SLC7A7: variants seen among roughly 807,000 people sequenced by gnomAD.
The protein encoded by SLC7A7 is Y+L amino acid transporter 1.
In SLC7A7, 39 loss-of-function variants were observed where a neutral mutation model predicts 47.9. The ratio of observed to expected loss-of-function variants is 0.81; its 90% confidence interval spans 0.63 to 1.06. The LOEUF is 1.06. Among genes scored for constraint, SLC7A7 ranks in the 50% least tolerant of loss-of-function variants. SLC7A7 has a pLI of 0.00. For synonymous variants in SLC7A7, 234 were observed against 242.8 expected (o/e 0.96, Z 0.34); for missense variants, 588 against 632.0 (o/e 0.93, Z 0.75).
rs2038588123 is a variant in SLC7A7, at chr14:22,775,657, A to G, written c.999-117T>C. ...CTTCCTTCAAAAGTATTTGGATAAT[A>G]TGGACTGGAGCTCAGTATTAAGATT... On this transcript the variant is annotated intron_variant, in intron 6 of 9. Transcript: ENST00000674313. The G allele has an allele frequency of 5.1e-6, 5 of 980,704 alleles. No homozygotes were observed. The Admixed American group carries it at 5.2e-5, about 10-fold the overall frequency. The allele number at this position is 980,704 out of a possible 1,614,324, so 60.8% of individuals were successfully genotyped here. A position where few individuals can be genotyped will look rare whatever the true frequency, so the allele number is the denominator to read the frequency against.
intron 7 of SLC7A7, 75 bp from the exon 8 acceptor site, chr14:22,774,578 C>G: frequency 6.3e-7 from 1 of 1,590,494 alleles, no homozygotes; most frequent in East Asian, 2.2e-5. Context: ...CTTTATACCC[C>G]AGAAATCCAT....
chr14:22,791,830 C>T lies in SLC7A7; in HGVS notation c.500-11779G>A, dbSNP rs574739376. Among the ~76,000 whole-genome samples, 17 of 45,478 alleles carry T rather than the reference C, an allele frequency of 3.7e-4. No individual in the cohort carries two copies. In the East Asian group the frequency reaches 0.013, roughly 35 times the overall value. 29.8% of individuals were successfully genotyped at this position (45,478 alleles called of 152,430 possible). A position where few individuals can be genotyped will look rare whatever the true frequency, so the allele number is the denominator to read the frequency against. ...ATGTTGGTTTGGGAAAATCTCTACA[C>T]CTTTTTTTTTTTTTTTTTAATTGAG... is the stretch of plus-strand genomic sequence containing the variant. On this transcript the variant is annotated intron_variant, in intron 2 of 9. Transcript: ENST00000674313.
rs767475769 is a variant in SLC7A7 at position 22,773,936 on chromosome 14, C to T, written c.1426G>A (p.Val476Met). 11 of 1,613,912 alleles carry T rather than the reference C, an allele frequency of 6.8e-6. No homozygotes were observed. The highest frequency in any genetic ancestry group is 7.6e-6 in the Non-Finnish European group (9 of 1,180,052). Residue 476 changes from valine to methionine, a missense_variant, in exon 9 of 10, where the codon GTG becomes ATG. Coordinates refer to ENST00000674313, the MANE Select transcript of SLC7A7 (RefSeq NM_003982.4). Reference protein sequence around the residue: ...HKRPLYLRRIVGSATRYLQVL... With the variant: ...HKRPLYLRRIMGSATRYLQVL... ...GACTTAAGGATGCACGGCTTACCCA[C>T]GATCCTTCGGAGGTAAAGCGGTCGC...
chr14:22,816,990 T>G (rs2039414890), upstream of SLC7A7, among the ~76,000 whole-genome samples: 1 of 152,078 alleles, frequency 6.6e-6, no homozygotes, highest in Non-Finnish European at 1.5e-5. Flanking sequence ...GAGCACTTAC[T>G]GGGCCAGACA....
At chr14:22,790,615 T>C (rs185074858) in intron 2 of SLC7A7, among the ~76,000 whole-genome samples, 4 of 152,278 alleles carry the variant, frequency 2.6e-5, no homozygotes, top group Non-Finnish European at 5.9e-5. Flanking sequence ...TTCTAGCAAA[T>C]CATCATTTTT....
chr14:22,782,460 A>T (rs531454158), intron 2 of SLC7A7, among the ~76,000 whole-genome samples: 2 of 144,880 alleles, frequency 1.4e-5, no homozygotes, highest in Non-Finnish European at 3.0e-5. Context: ...TTATTTATTT[A>T]TTTATTTTAT....
chr14:22,799,562 C>G (rs56169790), intron 2 of SLC7A7, among the ~76,000 whole-genome samples: 20,980 of 140,152 alleles, frequency 0.15, 1,574 homozygotes, highest in East Asian at 0.22. Context: ...TCAAGCGATT[C>G]TCCTGCCTCA....
intron 2 of SLC7A7, among the ~76,000 whole-genome samples, chr14:22,794,047 C>T (rs1465943861): frequency 6.6e-6 from 1 of 152,152 alleles, no homozygotes; most frequent in African/African-American, 2.4e-5. Flanking sequence ...GATTTCATCT[C>T]TAACTAATCA....
intron 2 of SLC7A7, among the ~76,000 whole-genome samples, chr14:22,810,527 T>C (rs1374651934): frequency 6.6e-6 from 1 of 151,436 alleles, no homozygotes; most frequent in African/African-American, 2.4e-5. Flanking sequence ...GAAATATTAC[T>C]TAGATGAAAT....
rs1484287508 is a variant in SLC7A7, at chr14:22,815,354, AGT to A, written c.-79_-78del. The A allele has an allele frequency of 6.6e-6, 3 of 454,460 alleles. No individual in the cohort carries two copies. Among genetic ancestry groups the A allele is most frequent in the Non-Finnish European group, 1.3e-5 (3 of 226,808 alleles). 28.2% of individuals were successfully genotyped at this position (454,460 alleles called of 1,614,324 possible). ...CTGGATATAAGCAGGTTCTCACGGC[AGT>A]GTGAGCAGCAGTCAGGGAGAGAAGT... On this transcript the variant is annotated 5_prime_UTR_variant, in exon 1 of 10. Coordinates refer to ENST00000674313, the MANE Select transcript of SLC7A7 (RefSeq NM_003982.4).
intron 2 of SLC7A7, among the ~76,000 whole-genome samples, chr14:22,793,758 G>A (rs930367685): frequency 6.6e-6 from 1 of 152,032 alleles, no homozygotes; most frequent in African/African-American, 2.4e-5. Flanking sequence ...GGAGGTGGCA[G>A]TGAGCCAATA....
At chr14:22,790,327 C>CAAA (rs538548693) in intron 2 of SLC7A7, among the ~76,000 whole-genome samples, 1 of 83,198 alleles carries the variant, frequency 1.2e-5, no homozygotes, top group African/African-American at 4.4e-5. Flanking sequence ...AAGACTGTCT[C>CAAA]AAAAAAAAAA....
intron 2 of SLC7A7, among the ~76,000 whole-genome samples, chr14:22,805,033 A>C (rs1456098507): frequency 2.6e-5 from 4 of 152,096 alleles, no homozygotes; most frequent in Admixed American, 1.3e-4. Context: ...AACAAACAAA[A>C]AAAGGCAAGA....
rs774535923 is a variant in SLC7A7 at position 22,774,088 on chromosome 14, C to T, written c.1274G>A (p.Cys425Tyr). 4.3e-6 allele frequency: 7 copies of T among 1,614,090 alleles called. No homozygotes were observed. The highest frequency in any genetic ancestry group is 3.3e-5 in the Admixed American group (2 of 60,002). Reference sequence around the variant, plus strand: ...AGCCACCAGGAAGATGGTGCAGAGGCAGAAGACAATCGGGAAGAAAACGCT... The same window carrying T: ...AGCCACCAGGAAGATGGTGCAGAGGTAGAAGACAATCGGGAAGAAAACGCT... ...KLSVFFPIVF[C>Y]LCTIFLVAVP... The change falls in exon 9 of 10, where the codon TGC becomes TAC. Residue 425 changes from cysteine (C) to tyrosine (Y), a missense_variant. Transcript: ENST00000674313.
chr14:22,791,643 G>C (rs537508931), intron 2 of SLC7A7, among the ~76,000 whole-genome samples: 2 of 152,164 alleles, frequency 1.3e-5, no homozygotes, highest in Non-Finnish European at 2.9e-5. Context: ...GGCATACTCA[G>C]GCCTGCTAAT....
intron 2 of SLC7A7, among the ~76,000 whole-genome samples, chr14:22,786,972 G>C (rs948168190): frequency 3.9e-5 from 6 of 152,122 alleles, no homozygotes; most frequent in African/African-American, 1.4e-4. Flanking sequence ...CCCAGATACA[G>C]GACTTCATAT....
At chr14:22,816,984 A>G (rs1462032809), upstream of SLC7A7, among the ~76,000 whole-genome samples, 2 of 151,994 alleles carry the variant, frequency 1.3e-5, no homozygotes, top group Non-Finnish European at 2.9e-5. Context: ...CTTATTGAGC[A>G]CTTACTGGGC....
chr14:22,815,902 G>C (rs1566466257), upstream of SLC7A7: 1 of 351,826 alleles, frequency 2.8e-6, no homozygotes, highest in Non-Finnish European at 5.6e-6. Context: ...TGAGATTACA[G>C]GAAGTGTAAG....
At chr14:22,788,612 G>A (rs1350104694) in intron 2 of SLC7A7, among the ~76,000 whole-genome samples, 1 of 151,466 alleles carries the variant, frequency 6.6e-6, no homozygotes, top group Non-Finnish European at 1.5e-5. Context: ...GCTGAGGCAG[G>A]AGAATCGCTT....
Sources: gnomAD v4.1 joint callset for allele counts (sites outside exome capture counted in the v4.1 genomes callset) on GRCh38, gnomAD v4.1.1 for gene constraint, MANE v1.5 for transcripts, NCBI Gene and HGNC (gene_info 2026-07-23, HGNC 2026-07-21) for gene names.